PLCB1: variants seen among roughly 807,000 people sequenced by gnomAD.
The protein encoded by PLCB1 is 1-phosphatidylinositol 4,5-bisphosphate phosphodiesterase beta-1.
A neutral mutation model predicts 161.8 loss-of-function variants in PLCB1; 46 were observed. The observed-to-expected ratio is 0.28, with a 90% confidence interval of 0.22 to 0.36. The LOEUF (loss-of-function observed/expected upper bound fraction) is 0.36. Ranked by LOEUF, PLCB1 falls within the 10% of genes least tolerant of loss-of-function variation. The pLI is 1.00. For missense variants in PLCB1, 1,016 were observed against 1,472.5 expected (o/e 0.69, Z 5.07); for synonymous variants, 517 against 503.7 (o/e 1.03, Z -0.35).
chr20:8,155,875 A>AC (rs1459077015), intron 2 of PLCB1, among the ~76,000 whole-genome samples: 1 of 152,284 alleles, frequency 6.6e-6, no homozygotes, highest in African/African-American at 2.4e-5. Flanking sequence ...TGGGAAAAAA[A>AC]CCAGCAAAAT....
At chr20:8,668,897 A>T (rs988318765) in intron 9 of PLCB1, among the ~76,000 whole-genome samples, 8 of 152,232 alleles carry the variant, frequency 5.3e-5, no homozygotes, top group Non-Finnish European at 1.2e-4. Flanking sequence ...AATCTCCAGC[A>T]TATCAAAAAA....
intron 9 of PLCB1, among the ~76,000 whole-genome samples, chr20:8,666,401 A>G (rs1256552927): frequency 1.3e-5 from 2 of 152,174 alleles, no homozygotes; most frequent in African/African-American, 4.8e-5. Flanking sequence ...GGGTAAGGTC[A>G]GAGTTGCTGA....
intron 3 of PLCB1, among the ~76,000 whole-genome samples, chr20:8,535,741 A>G (rs941028594): frequency 5.3e-5 from 8 of 152,178 alleles, no homozygotes; most frequent in African/African-American, 1.4e-4. Context: ...CATATTATAA[A>G]GGCTAAGCTT....
chr20:8,516,343 C>T (rs1420263919), intron 3 of PLCB1, among the ~76,000 whole-genome samples: 8 of 152,098 alleles, frequency 5.3e-5, no homozygotes, highest in Admixed American at 5.2e-4. Context: ...TGGCCAAAGC[C>T]AGTTACATAG....
chr20:8,630,062 C>CTT (rs1988535620), intron 4 of PLCB1, among the ~76,000 whole-genome samples: 1 of 119,200 alleles, frequency 8.4e-6, no homozygotes. Context: ...TCCTTTCTTT[C>CTT]TTTTTCTCTC....
At chr20:8,779,181 C>T (rs931327807) in intron 27 of PLCB1, among the ~76,000 whole-genome samples, 12 of 152,028 alleles carry the variant, frequency 7.9e-5, no homozygotes, top group African/African-American at 2.2e-4. Flanking sequence ...ATCCACAGTT[C>T]GAGAGTTAAG....
At chr20:8,708,567 C>A (rs1978820381) in intron 11 of PLCB1, 103 bp from the exon 12 acceptor site, 3 of 714,720 alleles carry the variant, frequency 4.2e-6, no homozygotes, top group African/African-American at 1.8e-5. Flanking sequence ...CGATACAATT[C>A]TCTGAATGGA....
At chr20:8,150,013 T>C (rs1028438627) in intron 1 of PLCB1, among the ~76,000 whole-genome samples, 1 of 152,110 alleles carries the variant, frequency 6.6e-6, no homozygotes, top group Non-Finnish European at 1.5e-5. Flanking sequence ...TTTGAAAAGC[T>C]AAATATAGAT....
chr20:8,414,171 T>C (rs1600384819), intron 3 of PLCB1, among the ~76,000 whole-genome samples: 1 of 151,754 alleles, frequency 6.6e-6, no homozygotes, highest in African/African-American at 2.4e-5. Flanking sequence ...TTAATGAAAA[T>C]GAAGAGATCT....
At chr20:8,526,932 T>G (rs1465351373) in intron 3 of PLCB1, among the ~76,000 whole-genome samples, 1 of 134,736 alleles carries the variant, frequency 7.4e-6, no homozygotes, top group Non-Finnish European at 1.7e-5. Flanking sequence ...CAGCTTTTAA[T>G]AAAGAGCAGA....
intron 3 of PLCB1, among the ~76,000 whole-genome samples, chr20:8,439,957 CT>C (rs1477814785): frequency 6.6e-6 from 1 of 151,904 alleles, no homozygotes; most frequent in African/African-American, 2.4e-5. Context: ...GATTTGTAGG[CT>C]TATATGTGGA....
chr20:8,630,139 G>T, intron 4 of PLCB1, among the ~76,000 whole-genome samples: 1 of 146,862 alleles, frequency 6.8e-6, no homozygotes, highest in Non-Finnish European at 1.5e-5. Context: ...GCAGGTAGTG[G>T]CTCCTGCACT....
At chr20:8,341,346 A>G (rs940739576) in intron 2 of PLCB1, among the ~76,000 whole-genome samples, 2 of 152,072 alleles carry the variant, frequency 1.3e-5, no homozygotes, top group Non-Finnish European at 2.9e-5. Flanking sequence ...ACACTCCATT[A>G]TAACTGTTGT....
At chr20:8,707,169 GCTCCATGCA>G (rs1157086644) in intron 11 of PLCB1, among the ~76,000 whole-genome samples, 1 of 152,042 alleles carries the variant, frequency 6.6e-6, no homozygotes, top group Non-Finnish European at 1.5e-5. Context: ...GATTCTTCTC[GCTCCATGCA>G]GGCAAATCCT....
chr20:8,476,137 T>C (rs1982269615), intron 3 of PLCB1, among the ~76,000 whole-genome samples: 1 of 152,166 alleles, frequency 6.6e-6, no homozygotes, highest in Non-Finnish European at 1.5e-5. Flanking sequence ...GTGGTCACTT[T>C]TGCAAGAATG....
At chr20:8,608,924 A>G (rs6055944) in intron 3 of PLCB1, among the ~76,000 whole-genome samples, 19,658 of 152,132 alleles carry the variant, frequency 0.13, 1,305 homozygotes, top group Middle Eastern at 0.2. Flanking sequence ...ATTTGGCACT[A>G]TTAGCTCCTG....
At chr20:8,788,364 T>A in intron 27 of PLCB1, 85 bp from the exon 28 acceptor site, 1 of 1,231,934 alleles carries the variant, frequency 8.1e-7, no homozygotes, top group East Asian at 2.5e-5. Context: ...ATATTCTAAC[T>A]ATAGATTCTG....
At chr20:8,189,685 G>C (rs144982107) in intron 2 of PLCB1, among the ~76,000 whole-genome samples, 15 of 152,112 alleles carry the variant, frequency 9.9e-5, no homozygotes, top group African/African-American at 3.6e-4. Flanking sequence ...CTTAAGAAAC[G>C]TGCATATGAC....
intron 3 of PLCB1, among the ~76,000 whole-genome samples, chr20:8,596,900 G>C (rs1987370506): frequency 6.6e-6 from 1 of 152,296 alleles, no homozygotes; most frequent in African/African-American, 2.4e-5. Context: ...TTGGCTCTCT[G>C]TTTGTCTGTT....
Sources: gnomAD v4.1 joint callset for allele counts (sites outside exome capture counted in the v4.1 genomes callset) on GRCh38, gnomAD v4.1.1 for gene constraint, MANE v1.5 for transcripts, NCBI Gene and HGNC (gene_info 2026-07-23, HGNC 2026-07-21) for gene names.